Variants in EPHA6 observed in about 807,000 individuals in gnomAD.
EPHA6 encodes EPH receptor A6.
EPHA6 carries 50 observed loss-of-function variants against 112.0 expected under a neutral mutation model. That is an observed-to-expected ratio of 0.45 (90% CI 0.36 to 0.56). EPHA6 has a LOEUF of 0.56. Among genes scored for constraint, EPHA6 ranks in the 20% least tolerant of loss-of-function variants. The pLI is 0.00. For synonymous variants in EPHA6, 529 were observed against 490.7 expected (o/e 1.08, Z -1.03); for missense variants, 1,280 against 1,417.4 (o/e 0.90, Z 1.56).
At chr3:97,720,528 G>A (rs1290422150) in intron 15 of EPHA6, 118 bp downstream of exon 15, 21 of 842,382 alleles carry the variant, frequency 2.5e-5, no homozygotes, top group Non-Finnish European at 3.3e-5. Flanking sequence ...AACTTCTCAT[G>A]GTCTATGGCT....
intron 3 of EPHA6, among the ~76,000 whole-genome samples, chr3:97,113,727 C>G (rs2047796685): frequency 6.6e-6 from 1 of 152,130 alleles, no homozygotes; most frequent in Non-Finnish European, 1.5e-5. Context: ...CCTTCTCTCT[C>G]TCTGCCTTCC....
At chr3:97,506,278 A>T (rs2092250957) in intron 10 of EPHA6, among the ~76,000 whole-genome samples, 1 of 152,054 alleles carries the variant, frequency 6.6e-6, no homozygotes, top group African/African-American at 2.4e-5. Context: ...CCTGAATGGT[A>T]TTGCCTAGGT....
At chr3:96,956,993 A>G (rs571166120) in intron 2 of EPHA6, among the ~76,000 whole-genome samples, 11 of 151,400 alleles carry the variant, frequency 7.3e-5, no homozygotes, top group Non-Finnish European at 1.6e-4. Context: ...AGATTGCACC[A>G]CTGCACTCCA....
At chr3:97,063,028 T>G (rs2046070241) in intron 3 of EPHA6, among the ~76,000 whole-genome samples, 1 of 151,940 alleles carries the variant, frequency 6.6e-6, no homozygotes. Context: ...TCAGAATGGC[T>G]ATTACTAAAA....
At chr3:97,057,412 C>T (rs776148791) in intron 3 of EPHA6, among the ~76,000 whole-genome samples, 12 of 152,196 alleles carry the variant, frequency 7.9e-5, no homozygotes, top group Admixed American at 3.3e-4. Context: ...ATGGTTAAGT[C>T]TCCCTCTTCA....
chr3:97,586,857 T>G (rs1210330249), intron 11 of EPHA6, among the ~76,000 whole-genome samples: 1 of 152,202 alleles, frequency 6.6e-6, no homozygotes, highest in Non-Finnish European at 1.5e-5. Flanking sequence ...GAAGTTATTC[T>G]TACTGTAGCT....
At chr3:97,356,433 A>G (rs1437803328) in intron 5 of EPHA6, among the ~76,000 whole-genome samples, 2 of 152,332 alleles carry the variant, frequency 1.3e-5, no homozygotes, top group East Asian at 3.9e-4. Context: ...TGTCTTCCAT[A>G]AAACCAGTCA....
chr3:96,898,457 C>A (rs1350309625), intron 2 of EPHA6, among the ~76,000 whole-genome samples: 1 of 152,126 alleles, frequency 6.6e-6, no homozygotes, highest in Non-Finnish European at 1.5e-5. Flanking sequence ...TTCCAGCTAC[C>A]ACTTGTCTGA....
intron 3 of EPHA6, among the ~76,000 whole-genome samples, chr3:97,038,410 T>A (rs2045190510): frequency 6.6e-6 from 1 of 152,064 alleles, no homozygotes. Flanking sequence ...CATGCAATAT[T>A]TGTCTATCTG....
intron 13 of EPHA6, among the ~76,000 whole-genome samples, chr3:97,634,934 C>T (rs1490516115): frequency 6.7e-6 from 1 of 150,034 alleles, no homozygotes; most frequent in Non-Finnish European, 1.5e-5. Context: ...CTTAAGAAAA[C>T]CTAGCTTTTT....
intron 1 of EPHA6, among the ~76,000 whole-genome samples, chr3:96,845,181 A>G (rs193086957): frequency 1.6e-3 from 241 of 152,112 alleles, no homozygotes; most frequent in Non-Finnish European, 2.7e-3. Context: ...TAATTTCCAG[A>G]TTTTAATGGA....
intron 5 of EPHA6, among the ~76,000 whole-genome samples, chr3:97,362,959 T>C (rs2108941833): frequency 6.6e-6 from 1 of 151,354 alleles, no homozygotes; most frequent in East Asian, 2.0e-4. Flanking sequence ...GGAAGTAATT[T>C]AATTATTTAT....
chr3:97,269,285 G>A (rs1370005955), intron 5 of EPHA6, among the ~76,000 whole-genome samples: 1 of 151,908 alleles, frequency 6.6e-6, no homozygotes, highest in Non-Finnish European at 1.5e-5. Flanking sequence ...TCTTTATCTT[G>A]TTTACTTTCT....
At chr3:97,022,835 C>T (rs1213932900) in intron 3 of EPHA6, among the ~76,000 whole-genome samples, 1 of 152,140 alleles carries the variant, frequency 6.6e-6, no homozygotes, top group African/African-American at 2.4e-5. Flanking sequence ...GGTTAAAATC[C>T]AACAAAGACT....
intron 3 of EPHA6, among the ~76,000 whole-genome samples, chr3:97,122,865 C>T (rs1056496914): frequency 2.0e-5 from 3 of 151,782 alleles, no homozygotes; most frequent in Non-Finnish European, 2.9e-5. Flanking sequence ...TAAGGCAAAT[C>T]CTGCTGTTTT....
chr3:97,008,799 C>T (rs1407226186), intron 3 of EPHA6, among the ~76,000 whole-genome samples: 2 of 151,766 alleles, frequency 1.3e-5, no homozygotes, highest in African/African-American at 4.8e-5. Flanking sequence ...TTTATGGGGG[C>T]CCTTTTGTTG....
At chr3:96,827,193 T>C (rs2033718833) in intron 1 of EPHA6, among the ~76,000 whole-genome samples, 1 of 152,128 alleles carries the variant, frequency 6.6e-6, no homozygotes, top group Non-Finnish European at 1.5e-5. Context: ...ACACACGTTA[T>C]AGTCTTCTCA....
rs545518779 is a variant in EPHA6, at chr3:96,826,773, T to G, written c.385+11765T>G. ...TTACAGTTTCAAAAACAAAATTTGC[T>G]TCAGCCCTCAAGTTTTTTCACTTTT... On this transcript the variant is annotated intron_variant, in intron 1 of 17. Transcript: ENST00000389672. 1.6e-3 allele frequency among the ~76,000 whole-genome samples: 241 copies of G among 152,242 alleles called. 1 individual carries two copies. The highest frequency in any genetic ancestry group is 5.5e-3 in the African/African-American group (229 of 41,566).
chr3:97,658,841 G>T (rs1048722933), intron 14 of EPHA6, among the ~76,000 whole-genome samples: 2 of 151,828 alleles, frequency 1.3e-5, no homozygotes, highest in Non-Finnish European at 2.9e-5. Context: ...GCTACCAAAG[G>T]GTCATGATAC....
Sources: allele counts gnomAD v4.1 joint callset (sites outside exome capture counted in the v4.1 genomes callset), GRCh38; gene constraint gnomAD v4.1.1; transcripts MANE v1.5; gene names NCBI Gene and HGNC (gene_info 2026-07-23, HGNC 2026-07-21).